Variants in SGSM1 observed in about 807,000 individuals in gnomAD.
SGSM1 encodes the protein RUN and TBC1 domain containing 2.
In SGSM1, 73 loss-of-function variants were observed where a neutral mutation model predicts 133.8. That is an observed-to-expected ratio of 0.55 (90% CI 0.45 to 0.66). The LOEUF is 0.66. Ranked by LOEUF, SGSM1 falls within the 30% of genes least tolerant of loss-of-function variation. SGSM1 has a pLI of 0.00. For missense variants in SGSM1, 1,213 were observed against 1,448.1 expected, an observed-to-expected ratio of 0.84 and a Z score of 2.64; for synonymous variants, 563 against 573.0, an observed-to-expected ratio of 0.98 and a Z score of 0.25.
At chr22:24,833,483 C>A (rs1449850758) in intron 2 of SGSM1, among the ~76,000 whole-genome samples, 5 of 151,618 alleles carry the variant, frequency 3.3e-5, no homozygotes, top group African/African-American at 7.3e-5. Context: ...CATGGTGAAA[C>A]CCCATCTCTA....
intron 2 of SGSM1, 127 bp downstream of exon 2, chr22:24,806,611 T>A: frequency 8.6e-7 from 1 of 1,158,672 alleles, no homozygotes; most frequent in Non-Finnish European, 1.2e-6. Context: ...GGGGCTCACC[T>A]GGGTGGGCAT....
chr22:24,831,617 C>T (rs1290070078), intron 2 of SGSM1, among the ~76,000 whole-genome samples: 2 of 152,202 alleles, frequency 1.3e-5, no homozygotes, highest in Non-Finnish European at 2.9e-5. Context: ...CTCCTCTGCC[C>T]TTTCTTCCCA....
chr22:24,863,869 G>A (rs535397834), intron 9 of SGSM1, among the ~76,000 whole-genome samples: 57 of 150,702 alleles, frequency 3.8e-4, no homozygotes, highest in African/African-American at 1.4e-3. Context: ...AGCCTCCCGA[G>A]TAGCTGGGAT....
At chr22:24,812,184 A>G (rs200300549) in intron 2 of SGSM1, among the ~76,000 whole-genome samples, 8,156 of 150,448 alleles carry the variant, frequency 0.054, 711 homozygotes, top group African/African-American at 0.18. Context: ...AAAGAAAAAA[A>G]AAAAGAAAAG....
At position 24,925,797 on chromosome 22, in the gene SGSM1, G is replaced by A. The variant is rs946691351; in HGVS notation, c.*1523G>A. The A allele has an allele frequency of 6.6e-6, 1 of 152,340 alleles. No homozygotes were observed. The highest frequency in any genetic ancestry group is 2.4e-5 in the African/African-American group (1 of 41,452). 9.4% of individuals were successfully genotyped at this position (152,340 alleles called of 1,614,324 possible). ...TGTCTGTTTTCCTTGGGAAACATCT[G>A]CTGATGAACTGGGTCCAGGGCCGTG... On this transcript the variant is annotated 3_prime_UTR_variant, in exon 25 of 25. Transcript: ENST00000400358.
chr22:24,892,748 AAACAGTCT>A (rs1281182026), intron 16 of SGSM1, among the ~76,000 whole-genome samples: 1 of 151,950 alleles, frequency 6.6e-6, no homozygotes, highest in Non-Finnish European at 1.5e-5. Context: ...AAAAAGAAAG[AAACAGTCT>A]TCTCACTTTT....
intron 7 of SGSM1, 26 bp from the exon 8 acceptor site, chr22:24,855,523 C>T (rs775401919): frequency 1.2e-6 from 2 of 1,613,630 alleles, no homozygotes; most frequent in East Asian, 2.2e-5. Context: ...GGCCTCATCC[C>T]TCTGTCTCCC....
intron 17 of SGSM1, among the ~76,000 whole-genome samples, chr22:24,894,346 T>C (rs1932868249): frequency 6.6e-6 from 1 of 152,172 alleles, no homozygotes; most frequent in African/African-American, 2.4e-5. Flanking sequence ...CAAGCCGAGA[T>C]TGCATCACTG....
At chr22:24,916,211 C>T (rs184464622) in intron 22 of SGSM1, among the ~76,000 whole-genome samples, 66 of 152,242 alleles carry the variant, frequency 4.3e-4, no homozygotes, top group Admixed American at 1.2e-3. Flanking sequence ...AACCACTCCC[C>T]ATCCCCTCCA....
chr22:24,919,469 G>A (rs1933932799), intron 23 of SGSM1, among the ~76,000 whole-genome samples: 1 of 152,156 alleles, frequency 6.6e-6, no homozygotes, highest in Admixed American at 6.5e-5. Flanking sequence ...AATGGAGATG[G>A]AGGTGCAGGG....
intron 8 of SGSM1, among the ~76,000 whole-genome samples, chr22:24,857,484 G>A (rs183358641): frequency 6.6e-6 from 1 of 151,278 alleles, no homozygotes; most frequent in East Asian, 1.9e-4. Context: ...TTGCTACTTA[G>A]AAATTTTAGC....
rs1003219333 is a variant in SGSM1, at chr22:24,926,750, C to T, written c.*2476C>T. 1.3e-5 allele frequency: 2 copies of T among 151,976 alleles called. No individual in the cohort carries two copies. The highest frequency in any genetic ancestry group is 4.8e-5 in the African/African-American group (2 of 41,324). The allele number at this position is 151,976 out of a possible 1,614,324, so 9.4% of individuals were successfully genotyped here. ...GGACTCGTTCTGTCCGCGGAGTGCACTCTTTTTTTCAGTGTGGCCCACATA... is the reference window on the plus strand; with the variant it reads ...GGACTCGTTCTGTCCGCGGAGTGCATTCTTTTTTTCAGTGTGGCCCACATA... On this transcript the variant is annotated 3_prime_UTR_variant, in exon 25 of 25. Coordinates refer to ENST00000400358, the MANE Select transcript of SGSM1 (RefSeq NM_001098497.3).
chr22:24,874,155 C>T (rs1931901827), intron 12 of SGSM1, among the ~76,000 whole-genome samples: 2 of 152,216 alleles, frequency 1.3e-5, no homozygotes, highest in African/African-American at 4.8e-5. Flanking sequence ...ATGCATCCCT[C>T]ACAGGGTCGT....
chr22:24,909,402 C>T lies in SGSM1; in HGVS notation c.2819-3241C>T, dbSNP rs185003249. ...ATATGGAGAAATTGGAAGCTTTGGA[C>T]ATTGCTGGTGGAATTGTAAAATGGT... is the stretch of plus-strand genomic sequence containing the variant. On this transcript the variant is annotated intron_variant, in intron 21 of 24. Coordinates refer to ENST00000400358, the MANE Select transcript of SGSM1 (RefSeq NM_001098497.3). 2.1e-3 allele frequency among the ~76,000 whole-genome samples: 318 copies of T among 152,114 alleles called. 3 individuals carry two copies. Among genetic ancestry groups the T allele is most frequent in the African/African-American group, 6.7e-3 (280 of 41,510 alleles).
rs1927392629 is a variant in SGSM1, at chr22:24,806,466, A to G, written c.45A>G (p.Leu15=). 4 of 1,520,570 alleles carry G rather than the reference A, an allele frequency of 2.6e-6. No homozygotes were observed. In the East Asian group the frequency reaches 8.3e-5, roughly 31 times the overall value. 94.2% of individuals were successfully genotyped at this position (1,520,570 alleles called of 1,614,324 possible). A position where few individuals can be genotyped will look rare whatever the true frequency, so the allele number is the denominator to read the frequency against. ...AGGCGGAGACCCGACAGAGGCTGCT[A>G]CGCACCGTCAAGAAGGAGGTGGGTG... ...PAEAETRQRL[L]RTVKKEVKQI... The change falls in exon 2 of 25, where the codon CTA becomes CTG. Residue 15 remains leucine (L), a synonymous_variant. Coordinates refer to ENST00000400358, the MANE Select transcript of SGSM1 (RefSeq NM_001098497.3).
rs113709562 is a variant in SGSM1, at chr22:24,923,148, A to G, written c.3194-1038A>G. 2.1e-3 allele frequency among the ~76,000 whole-genome samples: 313 copies of G among 152,250 alleles called. 1 individual carries two copies. The highest frequency in any genetic ancestry group is 7.1e-3 in the African/African-American group (295 of 41,544). ...GAGTGAGACCTTGTCTCAAAAGAAAAAAAAAGAAGAAAGTTATTGATGGGA... is the reference window on the plus strand; with the variant it reads ...GAGTGAGACCTTGTCTCAAAAGAAAGAAAAAGAAGAAAGTTATTGATGGGA... On this transcript the variant is annotated intron_variant, in intron 24 of 24. Transcript: ENST00000400358.
At chr22:24,829,247 A>G (rs1041025424) in intron 2 of SGSM1, among the ~76,000 whole-genome samples, 7 of 152,118 alleles carry the variant, frequency 4.6e-5, no homozygotes, top group African/African-American at 1.7e-4. Context: ...AGGAGTGGAG[A>G]TGGAGGCCAT....
At chr22:24,863,196 C>T (rs965603826) in intron 9 of SGSM1, among the ~76,000 whole-genome samples, 4 of 152,130 alleles carry the variant, frequency 2.6e-5, no homozygotes, top group African/African-American at 4.8e-5. Flanking sequence ...CTTGCTCTGT[C>T]GCCAAACTAG....
At position 24,926,199 on chromosome 22, in the gene SGSM1, A is replaced by G. The variant is rs1280928306; in HGVS notation, c.*1925A>G. 6.6e-6 allele frequency: 1 copy of G among 152,272 alleles called. No individual in the cohort carries two copies. The highest frequency in any genetic ancestry group is 2.4e-5 in the African/African-American group (1 of 41,434). 9.4% of individuals were successfully genotyped at this position (152,272 alleles called of 1,614,324 possible). ...AAGGCTTCTTTCCCTTGGTATAGCA[A>G]CTTCAACTGCACCTGAACCTCCAAC... is the stretch of plus-strand genomic sequence containing the variant. On this transcript the variant is annotated 3_prime_UTR_variant, in exon 25 of 25. Coordinates refer to ENST00000400358, the MANE Select transcript of SGSM1 (RefSeq NM_001098497.3).
Sources: gnomAD v4.1 joint callset for allele counts (sites outside exome capture counted in the v4.1 genomes callset) on GRCh38, gnomAD v4.1.1 for gene constraint, MANE v1.5 for transcripts, NCBI Gene and HGNC (gene_info 2026-07-23, HGNC 2026-07-21) for gene names.